MAP2K1: variants seen among roughly 807,000 people sequenced by gnomAD.
MAP2K1 encodes mitogen-activated protein kinase kinase 1.
Under a neutral mutation model 46.3 loss-of-function variants are expected in MAP2K1, and 16 were observed. The observed-to-expected ratio is 0.35, with a 90% CI of 0.23 to 0.52. The LOEUF is 0.52. MAP2K1 is among the 20% of genes least tolerant of loss of function. The probability of loss-of-function intolerance (pLI) is 0.94; values close to 1 mark genes in which losing one functional copy is unlikely to be tolerated. For synonymous variants in MAP2K1, 183 were observed against 185.6 expected (o/e 0.99, Z 0.11); for missense variants, 263 against 497.1 (o/e 0.53, Z 4.48).
intron 5 of MAP2K1, among the ~76,000 whole-genome samples, chr15:66,453,170 A>G (rs1239283437): frequency 6.6e-6 from 1 of 152,092 alleles, no homozygotes; most frequent in Non-Finnish European, 1.5e-5. Context: ...CTCTAACTTT[A>G]TTTCCATTCC....
At chr15:66,403,314 G>T (rs931094752) in intron 1 of MAP2K1, among the ~76,000 whole-genome samples, 4 of 152,062 alleles carry the variant, frequency 2.6e-5, no homozygotes, top group African/African-American at 9.7e-5. Flanking sequence ...TCTAGAAAAG[G>T]TTACCCCTCT....
At chr15:66,399,455 CTTTT>C (rs35799945) in intron 1 of MAP2K1, among the ~76,000 whole-genome samples, 9 of 151,344 alleles carry the variant, frequency 5.9e-5, no homozygotes, top group African/African-American at 2.2e-4. Context: ...CCCACCCCCT[CTTTT>C]TTTTTGAGAT....
intron 8 of MAP2K1, chr15:66,489,004 T>G: frequency 1.6e-6 from 1 of 615,042 alleles, no homozygotes. Context: ...ATGTGCTATT[T>G]GAGATCAGTG....
At chr15:66,436,718 A>T (rs2140583071) in intron 2 of MAP2K1, 28 bp from the exon 3 acceptor site, 1 of 1,612,208 alleles carries the variant, frequency 6.2e-7, no homozygotes, top group African/African-American at 1.3e-5. Flanking sequence ...TCTTTCATAA[A>T]ACCTCTCTTT....
chr15:66,463,586 G>A (rs979354399), intron 5 of MAP2K1, among the ~76,000 whole-genome samples: 2 of 152,186 alleles, frequency 1.3e-5, no homozygotes, highest in African/African-American at 4.8e-5. Context: ...GGGTTCAAGC[G>A]ATTCTCCTGC....
At position 66,387,353 on chromosome 15, in the gene MAP2K1, C is replaced by G. The variant is rs377720622; in HGVS notation, c.6C>G (p.Pro2=). 1 of 1,562,028 alleles carries G rather than the reference C, an allele frequency of 6.4e-7. No homozygotes were observed. Among genetic ancestry groups the G allele is most frequent in the African/African-American group, 1.4e-5 (1 of 73,818 alleles). Residue 2 remains proline, a synonymous_variant, in exon 1 of 11, where the codon CCC becomes CCG. Transcript: ENST00000307102. ...GCGCGTTACCCGGGTCCAAAATGCCCAAGAAGAAGCCGACGCCCATCCAGC... is the reference window on the plus strand; with the variant it reads ...GCGCGTTACCCGGGTCCAAAATGCCGAAGAAGAAGCCGACGCCCATCCAGC... M[P]KKKPTPIQLN... is the part of the protein sequence containing the mutation.
At chr15:66,444,114 T>A (rs1014763153) in intron 4 of MAP2K1, among the ~76,000 whole-genome samples, 2 of 148,330 alleles carry the variant, frequency 1.3e-5, no homozygotes, top group African/African-American at 5.0e-5. Flanking sequence ...GGTGCATGCC[T>A]GTAATCCCAG....
intron 1 of MAP2K1, among the ~76,000 whole-genome samples, chr15:66,399,418 C>T (rs1447712988): frequency 6.6e-6 from 1 of 152,124 alleles, no homozygotes; most frequent in Admixed American, 6.6e-5. Context: ...GTATGATAAA[C>T]ATCACATTAA....
At position 66,491,137 on chromosome 15, in the gene MAP2K1, G is replaced by C. The variant is rs1404578783; in HGVS notation, c.*522G>C. The C allele has an allele frequency of 7.0e-6, 2 of 287,152 alleles. No homozygotes were observed. The highest frequency in any genetic ancestry group is 5.3e-5 in the East Asian group (1 of 18,978). The allele number at this position is 287,152 out of a possible 1,614,324, so 17.8% of individuals were successfully genotyped here. On this transcript the variant is annotated 3_prime_UTR_variant, in exon 11 of 11. Transcript: ENST00000307102. The stretch of plus-strand genomic sequence containing the variant: ...TCATGTTATTTTATTATTATTATTT[G>C]CTTTTCATGTAGAACTCAGCAGTTG...
intron 6 of MAP2K1, among the ~76,000 whole-genome samples, chr15:66,482,137 T>G (rs904128293): frequency 6.6e-6 from 1 of 152,160 alleles, no homozygotes; most frequent in Non-Finnish European, 1.5e-5. Context: ...TGGCTTTCTT[T>G]CTGAAGGATT....
chr15:66,422,859 A>G (rs1454885599), intron 1 of MAP2K1, among the ~76,000 whole-genome samples: 1 of 152,002 alleles, frequency 6.6e-6, no homozygotes, highest in Non-Finnish European at 1.5e-5. Context: ...AACTACATAT[A>G]TGTTAGACGA....
At chr15:66,457,229 G>A (rs559589499) in intron 5 of MAP2K1, among the ~76,000 whole-genome samples, 1 of 152,134 alleles carries the variant, frequency 6.6e-6, no homozygotes, top group East Asian at 1.9e-4. Flanking sequence ...AGAGATTCTC[G>A]TGCCTCAGCC....
At chr15:66,392,369 G>C (rs1007903509) in intron 1 of MAP2K1, among the ~76,000 whole-genome samples, 3 of 147,120 alleles carry the variant, frequency 2.0e-5, no homozygotes, top group African/African-American at 5.1e-5. Context: ...TGTAGAGATG[G>C]GGTTTCACCA....
chr15:66,488,082 T>G (rs563018677), intron 8 of MAP2K1, among the ~76,000 whole-genome samples: 1 of 151,486 alleles, frequency 6.6e-6, no homozygotes, highest in South Asian at 2.1e-4. Flanking sequence ...CCTCCCATTC[T>G]TACCTCCTAG....
chr15:66,465,809 C>T (rs1212873455), intron 5 of MAP2K1, among the ~76,000 whole-genome samples: 1 of 152,162 alleles, frequency 6.6e-6, no homozygotes, highest in Admixed American at 6.5e-5. Flanking sequence ...CTTTATTATA[C>T]TTGGACAGAT....
chr15:66,478,127 C>T (rs1182161503), intron 5 of MAP2K1, among the ~76,000 whole-genome samples: 1 of 151,838 alleles, frequency 6.6e-6, no homozygotes, highest in Admixed American at 6.6e-5. Flanking sequence ...GCATGGCTCG[C>T]TCCCTCTCTC....
chr15:66,424,508 T>A (rs867001146), intron 1 of MAP2K1, among the ~76,000 whole-genome samples: 1 of 152,232 alleles, frequency 6.6e-6, no homozygotes, highest in South Asian at 2.1e-4. Flanking sequence ...GGGTTTGGGC[T>A]TTCTTTTTAA....
chr15:66,489,189 TTTC>T (rs1893154579), intron 8 of MAP2K1, 23 bp from the exon 9 acceptor site: 3 of 1,603,662 alleles, frequency 1.9e-6, no homozygotes, highest in Admixed American at 1.7e-5. Flanking sequence ...GCCAGGCATT[TTTC>T]TTATCTCAAC....
At chr15:66,417,352 C>T (rs1486109231) in intron 1 of MAP2K1, among the ~76,000 whole-genome samples, 1 of 152,060 alleles carries the variant, frequency 6.6e-6, no homozygotes, top group African/African-American at 2.4e-5. Flanking sequence ...GGTGGATCAC[C>T]TGAGCCCTAG....
Sources: gnomAD v4.1 joint callset for allele counts (sites outside exome capture counted in the v4.1 genomes callset) on GRCh38, gnomAD v4.1.1 for gene constraint, MANE v1.5 for transcripts, NCBI Gene and HGNC (gene_info 2026-07-23, HGNC 2026-07-21) for gene names.